RGL1: variants seen among roughly 807,000 people sequenced by gnomAD.
RGL1 encodes the protein ral guanine nucleotide dissociation stimulator-like 1.
Under a neutral mutation model 95.2 loss-of-function variants are expected in RGL1, and 24 were observed. The observed-to-expected ratio is 0.25, with a 90% CI of 0.18 to 0.35. The LOEUF (loss-of-function observed/expected upper bound fraction) is 0.35. Among genes scored for constraint, RGL1 ranks in the 10% least tolerant of loss-of-function variants. The pLI is 1.00. For synonymous variants in RGL1, 329 were observed against 344.9 expected (o/e 0.95, Z 0.51); for missense variants, 715 against 936.3 (o/e 0.76, Z 3.08).
chr1:183,761,313 T>C (rs960405828), intron 2 of RGL1, among the ~76,000 whole-genome samples: 7 of 152,256 alleles, frequency 4.6e-5, no homozygotes, highest in African/African-American at 1.2e-4. Flanking sequence ...TATGAAATGA[T>C]ATTGTGTTAT....
chr1:183,853,120 G>A (rs1377691806), intron 3 of RGL1, among the ~76,000 whole-genome samples: 1 of 152,156 alleles, frequency 6.6e-6, no homozygotes, highest in Non-Finnish European at 1.5e-5. Flanking sequence ...CGGTTCACTT[G>A]AGGCCAGGAG....
At chr1:183,742,265 A>C in exon 2 of RGL1, 3 of 1,614,096 alleles carry the variant, frequency 1.9e-6, no homozygotes, top group Non-Finnish European at 2.5e-6. Flanking sequence ...ATGTTCGAAT[A>C]TGGGAAGTTT....
At chr1:183,870,684 A>G (rs1666131618) in intron 4 of RGL1, among the ~76,000 whole-genome samples, 2 of 152,312 alleles carry the variant, frequency 1.3e-5, no homozygotes, top group Non-Finnish European at 2.9e-5. Context: ...CCAACAAGGA[A>G]TGATCTGACC....
chr1:183,762,808 C>T (rs1658768630), intron 2 of RGL1, among the ~76,000 whole-genome samples: 1 of 152,140 alleles, frequency 6.6e-6, no homozygotes, highest in South Asian at 2.1e-4. Context: ...TAAATTAGTT[C>T]AACCATTGTG....
chr1:183,870,289 C>T (rs1027694326), intron 4 of RGL1, among the ~76,000 whole-genome samples: 14 of 122,304 alleles, frequency 1.1e-4, no homozygotes, highest in Admixed American at 6.6e-4. Context: ...ATGTGTCTTC[C>T]GGCCAGGGTA....
At chr1:183,888,603 T>A (rs1252235672) in intron 8 of RGL1, 26 bp downstream of exon 8, 1 of 1,453,972 alleles carries the variant, frequency 6.9e-7, no homozygotes, top group South Asian at 1.1e-5. Flanking sequence ...TTTGCTCTGC[T>A]TTTCTTTGGC....
rs1223710823 is a variant in RGL1, at chr1:183,927,250, T to A, written c.*958T>A. On this transcript the variant is annotated 3_prime_UTR_variant, in exon 18 of 18. Transcript: ENST00000360851. ...ATTGCCTTTTGCATGTAAAACTATG[T>A]GTCTGGAGTCTTTTGCCATCTGGAT... 1 of 152,642 alleles carries A rather than the reference T, an allele frequency of 6.6e-6. No homozygotes were observed. Among genetic ancestry groups the A allele is most frequent in the African/African-American group, 2.4e-5 (1 of 41,452 alleles). The allele number at this position is 152,642 out of a possible 1,614,324, so 9.5% of individuals were successfully genotyped here.
chr1:183,877,658 C>G (rs1666583962), intron 4 of RGL1, among the ~76,000 whole-genome samples: 1 of 152,210 alleles, frequency 6.6e-6, no homozygotes, highest in African/African-American at 2.4e-5. Flanking sequence ...CCTCCTCCCC[C>G]TTCATTCCTC....
intron 1 of RGL1, among the ~76,000 whole-genome samples, chr1:183,718,572 A>G (rs1008432204): frequency 2.0e-5 from 3 of 152,310 alleles, no homozygotes; most frequent in Admixed American, 6.5e-5. Flanking sequence ...AGGCTGCTTA[A>G]GTTGGAATCC....
intron 7 of RGL1, among the ~76,000 whole-genome samples, chr1:183,885,240 G>C: frequency 6.6e-6 from 1 of 152,150 alleles, no homozygotes; most frequent in Admixed American, 6.5e-5. Context: ...TTGTATTCAC[G>C]ACAAGACTGA....
At chr1:183,677,823 T>C (rs750162715) in intron 1 of RGL1, among the ~76,000 whole-genome samples, 2 of 152,168 alleles carry the variant, frequency 1.3e-5, no homozygotes, top group African/African-American at 2.4e-5. Flanking sequence ...AGCAAGGTTG[T>C]CACGTAGGTA....
chr1:183,866,189 T>C, intron 4 of RGL1, 116 bp downstream of exon 4: 1 of 758,468 alleles, frequency 1.3e-6, no homozygotes, highest in South Asian at 1.7e-5. Flanking sequence ...CCATAGTGCA[T>C]ACAGAGGCTT....
chr1:183,840,648 A>G (rs868120712), intron 2 of RGL1, among the ~76,000 whole-genome samples: 61 of 152,112 alleles, frequency 4.0e-4, no homozygotes, highest in South Asian at 1.0e-3. Flanking sequence ...GAATCGCTTG[A>G]GTCCAGGAGT....
chr1:183,732,396 CAG>C (rs1186905752), intron 1 of RGL1, among the ~76,000 whole-genome samples: 2 of 152,132 alleles, frequency 1.3e-5, no homozygotes, highest in Non-Finnish European at 2.9e-5. Context: ...TCCCCCCAGA[CAG>C]ATGTTGGCAT....
At chr1:183,719,481 C>T (rs1558170799) in intron 1 of RGL1, among the ~76,000 whole-genome samples, 1 of 152,218 alleles carries the variant, frequency 6.6e-6, no homozygotes, top group African/African-American at 2.4e-5. Flanking sequence ...GCTCTGTCTC[C>T]TGATGTCCTT....
At chr1:183,861,631 A>G (rs1665515664) in intron 3 of RGL1, among the ~76,000 whole-genome samples, 2 of 152,358 alleles carry the variant, frequency 1.3e-5, no homozygotes, top group South Asian at 4.1e-4. Context: ...AAACCATGTC[A>G]AAAGTCATTC....
At chr1:183,869,812 C>T (rs755735426) in intron 4 of RGL1, among the ~76,000 whole-genome samples, 1 of 152,186 alleles carries the variant, frequency 6.6e-6, no homozygotes, top group Non-Finnish European at 1.5e-5. Context: ...TGCAAATTTC[C>T]TGGTCATCCC....
At chr1:183,876,687 G>C (rs76943718) in intron 4 of RGL1, among the ~76,000 whole-genome samples, 1,824 of 152,304 alleles carry the variant, frequency 0.012, 34 homozygotes, top group African/African-American at 0.035. Flanking sequence ...TCCTAGAGAG[G>C]ATACCTCAAG....
At chr1:183,636,464 T>G in exon 1 of RGL1, 1 of 311,608 alleles carries the variant, frequency 3.2e-6, no homozygotes, top group Non-Finnish European at 5.8e-6. Context: ...CAGTGCTGTG[T>G]GACAGCATCG....
Sources: allele counts gnomAD v4.1 joint callset (sites outside exome capture counted in the v4.1 genomes callset), GRCh38; gene constraint gnomAD v4.1.1; transcripts MANE v1.5; gene names NCBI Gene and HGNC (gene_info 2026-07-23, HGNC 2026-07-21).